Variants in RPS6KC1 observed in about 807,000 individuals in gnomAD.
RPS6KC1 encodes inactive ribosomal protein S6 kinase delta-1.
Under a neutral mutation model 103.8 loss-of-function variants are expected in RPS6KC1, and 54 were observed. That is an observed-to-expected ratio of 0.52 (90% CI 0.42 to 0.65). The LOEUF is 0.65. Among genes scored for constraint, RPS6KC1 ranks in the 30% least tolerant of loss-of-function variants. The pLI is 0.00. For synonymous variants in RPS6KC1, 439 were observed against 438.7 expected, an observed-to-expected ratio of 1.00 and a Z score of -0.01; for missense variants, 1,151 against 1,253.8, an observed-to-expected ratio of 0.92 and a Z score of 1.24.
At chr1:213,514,358 C>T in the RPS6KC1 span, among the ~76,000 whole-genome samples, 3 of 151,234 alleles carry the variant, frequency 2.0e-5, no homozygotes, top group East Asian at 1.9e-4. Context: ...TTAGGTATAT[C>T]GCCTAATGCT....
the RPS6KC1 span, among the ~76,000 whole-genome samples, chr1:213,719,918 A>G: frequency 6.6e-6 from 1 of 152,130 alleles, no homozygotes; most frequent in Non-Finnish European, 1.5e-5. Context: ...GATATTTTCT[A>G]TTCTATCCTA....
At chr1:213,807,618 C>T in the RPS6KC1 span, among the ~76,000 whole-genome samples, 1 of 152,124 alleles carries the variant, frequency 6.6e-6, no homozygotes, top group Admixed American at 6.6e-5. Flanking sequence ...TGAGCCTTGG[C>T]TTTCAGCTCC....
At chr1:213,355,288 G>A in the RPS6KC1 span, among the ~76,000 whole-genome samples, 2 of 152,206 alleles carry the variant, frequency 1.3e-5, no homozygotes, top group African/African-American at 2.4e-5. Flanking sequence ...GGGTGAAGGG[G>A]GCTGGTGGAA....
the RPS6KC1 span, among the ~76,000 whole-genome samples, chr1:213,717,157 G>A: frequency 6.6e-6 from 1 of 152,200 alleles, no homozygotes; most frequent in African/African-American, 2.4e-5. Context: ...GGGTCCTGCT[G>A]TTGATATGAA....
At chr1:213,496,273 A>G in the RPS6KC1 span, among the ~76,000 whole-genome samples, 1 of 152,228 alleles carries the variant, frequency 6.6e-6, no homozygotes, top group Non-Finnish European at 1.5e-5. Context: ...ACTTATTAAA[A>G]CATAAAGTGT....
the RPS6KC1 span, among the ~76,000 whole-genome samples, chr1:213,663,796 C>A: frequency 6.6e-6 from 1 of 152,148 alleles, no homozygotes; most frequent in African/African-American, 2.4e-5. Context: ...TCCTTTCTTG[C>A]CAGCCACCAG....
At chr1:213,133,887 T>G (rs894218879) in intron 6 of RPS6KC1, among the ~76,000 whole-genome samples, 3 of 152,122 alleles carry the variant, frequency 2.0e-5, no homozygotes, top group African/African-American at 7.2e-5. Flanking sequence ...CTAATTAGAT[T>G]AGCATTTTAA....
At chr1:213,718,413 G>A in the RPS6KC1 span, among the ~76,000 whole-genome samples, 1 of 152,194 alleles carries the variant, frequency 6.6e-6, no homozygotes, top group Non-Finnish European at 1.5e-5. Flanking sequence ...CTATGAGGTT[G>A]AGTTATTCAC....
the RPS6KC1 span, among the ~76,000 whole-genome samples, chr1:213,635,806 A>G: frequency 6.6e-6 from 1 of 152,136 alleles, no homozygotes; most frequent in Non-Finnish European, 1.5e-5. Context: ...GGGTATTCAA[A>G]TAGGAAAAGA....
the RPS6KC1 span, among the ~76,000 whole-genome samples, chr1:213,766,771 C>T: frequency 6.6e-6 from 1 of 152,180 alleles, no homozygotes; most frequent in African/African-American, 2.4e-5. Context: ...TCTCCCTTTT[C>T]TCACCCCTAA....
the RPS6KC1 span, among the ~76,000 whole-genome samples, chr1:213,354,380 T>G: frequency 6.6e-6 from 1 of 152,170 alleles, no homozygotes; most frequent in Non-Finnish European, 1.5e-5. Context: ...GTGTATGAAC[T>G]CATTGAAACT....
At chr1:213,074,361 G>A (rs529339326) in intron 2 of RPS6KC1, among the ~76,000 whole-genome samples, 2 of 152,022 alleles carry the variant, frequency 1.3e-5, no homozygotes, top group Non-Finnish European at 2.9e-5. Context: ...ATGGAGACTT[G>A]GTTCAATAAA....
chr1:213,591,974 T>A, the RPS6KC1 span, among the ~76,000 whole-genome samples: 1 of 152,178 alleles, frequency 6.6e-6, no homozygotes, highest in Non-Finnish European at 1.5e-5. Context: ...TTCCAAGGTG[T>A]CTTCAGCTTA....
the RPS6KC1 span, among the ~76,000 whole-genome samples, chr1:213,728,568 A>G: frequency 2.0e-5 from 3 of 152,154 alleles, no homozygotes; most frequent in South Asian, 6.2e-4. Flanking sequence ...CGGGATTATA[A>G]GAGTACCCAC....
the RPS6KC1 span, among the ~76,000 whole-genome samples, chr1:213,678,126 G>A: frequency 1.3e-5 from 2 of 152,092 alleles, no homozygotes; most frequent in South Asian, 2.1e-4. Flanking sequence ...ATTTTTTGCT[G>A]GGCATGGAAC....
chr1:213,690,753 T>C, the RPS6KC1 span, among the ~76,000 whole-genome samples: 1 of 152,226 alleles, frequency 6.6e-6, no homozygotes, highest in Non-Finnish European at 1.5e-5. Context: ...GGGATAAGAA[T>C]ACAGTATCTA....
At chr1:213,599,876 A>G in the RPS6KC1 span, among the ~76,000 whole-genome samples, 1 of 152,092 alleles carries the variant, frequency 6.6e-6, no homozygotes, top group Non-Finnish European at 1.5e-5. Flanking sequence ...GATCCCAGCT[A>G]TGGGGTGAAG....
chr1:213,739,843 C>T, the RPS6KC1 span, among the ~76,000 whole-genome samples: 13 of 152,200 alleles, frequency 8.5e-5, no homozygotes, highest in South Asian at 1.7e-3. Context: ...GTATGCCCCC[C>T]GTGCTCTATT....
At chr1:213,783,636 CGTCTT>C in the RPS6KC1 span, among the ~76,000 whole-genome samples, 1 of 149,568 alleles carries the variant, frequency 6.7e-6, no homozygotes, top group African/African-American at 2.5e-5. Flanking sequence ...TTACTGTTGT[CGTCTT>C]ATCAAGGGAT....
Sources: gnomAD v4.1 joint callset for allele counts (sites outside exome capture counted in the v4.1 genomes callset) on GRCh38, gnomAD v4.1.1 for gene constraint, MANE v1.5 for transcripts, NCBI Gene and HGNC (gene_info 2026-07-23, HGNC 2026-07-21) for gene names.